The following APBB2 variants were observed in gnomAD, a reference collection of about 807,000 sequenced individuals.
APBB2 encodes the protein amyloid beta precursor protein binding family B member 2.
In APBB2, 38 loss-of-function variants were observed where a neutral mutation model predicts 82.5. The observed-to-expected ratio is 0.46, with a 90% CI of 0.36 to 0.60. The LOEUF (loss-of-function observed/expected upper bound fraction) is 0.60, where lower values mean the gene tolerates loss of function less well. Among genes scored for constraint, APBB2 ranks in the 20% least tolerant of loss-of-function variants. APBB2 has a pLI of 0.00. For synonymous variants in APBB2, 341 were observed against 368.2 expected (o/e 0.93, Z 0.85); for missense variants, 772 against 972.3 (o/e 0.79, Z 2.74).
intron 6 of APBB2, among the ~76,000 whole-genome samples, chr4:40,974,517 T>G (rs1315686986): frequency 1.3e-5 from 2 of 152,118 alleles, no homozygotes; most frequent in Non-Finnish European, 2.9e-5. Context: ...GGAGAAAGAT[T>G]TATAGTTTTA....
intron 10 of APBB2, among the ~76,000 whole-genome samples, chr4:40,902,914 G>A (rs1160980681): frequency 6.6e-6 from 1 of 152,210 alleles, no homozygotes; most frequent in Non-Finnish European, 1.5e-5. Context: ...GCTGACGCAG[G>A]AGGATCACTT....
Position 41,006,801 on chromosome 4 carries a change from A to G in APBB2, c.835+6782T>C, listed in dbSNP as rs145010002. Among the ~76,000 whole-genome samples, 153 of 152,298 alleles carry G rather than the reference A, an allele frequency of 1.0e-3. 3 individuals are homozygous for G. In the East Asian group the frequency reaches 0.024, roughly 24 times the overall value. ...TATTTGTAAGAAAAAAGGGGGAAAAATATTTACAGTTAAAATTAACCAAAA... is the reference window on the plus strand; with the variant it reads ...TATTTGTAAGAAAAAAGGGGGAAAAGTATTTACAGTTAAAATTAACCAAAA... On this transcript the variant is annotated intron_variant, in intron 6 of 17. Transcript: ENST00000508593.
At chr4:40,910,339 G>C (rs558591290) in intron 10 of APBB2, among the ~76,000 whole-genome samples, 1 of 152,162 alleles carries the variant, frequency 6.6e-6, no homozygotes, top group South Asian at 2.1e-4. Context: ...CTGGGCTCAA[G>C]TGATCCTCCA....
At chr4:41,011,420 C>G (rs1475757592) in intron 6 of APBB2, among the ~76,000 whole-genome samples, 3 of 150,166 alleles carry the variant, frequency 2.0e-5, no homozygotes, top group Non-Finnish European at 4.4e-5. Context: ...ACCTGGTGAT[C>G]CACTGCGCCT....
In APBB2 at chr4:40,812,423, GC is replaced by G. The variant is rs1744593434; in HGVS notation, c.*3668del. 6.6e-6 allele frequency: 1 copy of G among 152,224 alleles called. No homozygotes were observed. The allele number at this position is 152,224 out of a possible 1,614,324, so 9.4% of individuals were successfully genotyped here. On this transcript the variant is annotated 3_prime_UTR_variant, in exon 18 of 18. Coordinates refer to ENST00000508593, the MANE Select transcript of APBB2 (RefSeq NM_004307.2). The stretch of plus-strand genomic sequence containing the variant: ...TCAGGGGAAGTAAGCTGCTCTGGAG[GC>G]CAGGAACTACTGCTTGCGTTGACAC...
At chr4:40,962,441 C>T (rs6825705) in intron 6 of APBB2, among the ~76,000 whole-genome samples, 1,851 of 152,206 alleles carry the variant, frequency 0.012, 34 homozygotes, top group African/African-American at 0.042. Context: ...TGTGAATTCT[C>T]GGTTGCAAAA....
In APBB2 at chr4:41,180,192, T is replaced by A. The variant is rs369192735; in HGVS notation, c.-417+34213A>T. Among the ~76,000 whole-genome samples the A allele has an allele frequency of 1.8e-4, 27 of 152,296 alleles. No individual in the cohort carries two copies. In the South Asian group the frequency reaches 5.6e-3, roughly 32 times the overall value. On this transcript the variant is annotated intron_variant, in intron 1 of 17. Transcript: ENST00000508593. Reference sequence around the variant, plus strand: ...GTGTAAGGCAGCATGCCTGACCCCCTCCTCGCTATCTCTTACAAGGACACA... The same window carrying A: ...GTGTAAGGCAGCATGCCTGACCCCCACCTCGCTATCTCTTACAAGGACACA...
At chr4:40,851,736 A>ATTTT (rs772502891) in intron 12 of APBB2, among the ~76,000 whole-genome samples, 2 of 82,842 alleles carry the variant, frequency 2.4e-5, no homozygotes, top group Admixed American at 1.5e-4. Flanking sequence ...ATATATATAT[A>ATTTT]TATTTTTTTT....
chr4:41,119,153 TTTTTTTTTAA>T (rs1332433405), intron 2 of APBB2, among the ~76,000 whole-genome samples: 2 of 150,512 alleles, frequency 1.3e-5, no homozygotes, highest in Non-Finnish European at 3.0e-5. Flanking sequence ...TAATTGATTT[TTTTTTTTTAA>T]GAGCATGAAC....
chr4:41,052,543 T>C (rs1196877854), intron 4 of APBB2, among the ~76,000 whole-genome samples: 1 of 152,168 alleles, frequency 6.6e-6, no homozygotes, highest in Non-Finnish European at 1.5e-5. Context: ...GATACTGCCA[T>C]CGTGAATTCC....
chr4:41,180,554 T>G (rs560871590), intron 1 of APBB2, among the ~76,000 whole-genome samples: 3 of 152,088 alleles, frequency 2.0e-5, no homozygotes, highest in Non-Finnish European at 4.4e-5. Context: ...AGGGTGAGGC[T>G]GGAGGATCAC....
At chr4:41,085,695 CAG>C (rs1469077714) in intron 3 of APBB2, among the ~76,000 whole-genome samples, 2 of 151,984 alleles carry the variant, frequency 1.3e-5, no homozygotes, top group Non-Finnish European at 2.9e-5. Context: ...CAAAAAATGG[CAG>C]AGACATTCAA....
At chr4:41,028,666 T>C (rs1579369706) in intron 5 of APBB2, among the ~76,000 whole-genome samples, 1 of 152,254 alleles carries the variant, frequency 6.6e-6, no homozygotes, top group Non-Finnish European at 1.5e-5. Flanking sequence ...CTAAGCCACT[T>C]GGAGCTAGGT....
chr4:41,173,384 A>C (rs1443094106), intron 1 of APBB2, among the ~76,000 whole-genome samples: 1 of 152,216 alleles, frequency 6.6e-6, no homozygotes, highest in African/African-American at 2.4e-5. Flanking sequence ...CAAAGGATGA[A>C]GGAACCAAAT....
At chr4:40,863,691 G>A (rs929922515) in intron 12 of APBB2, among the ~76,000 whole-genome samples, 2 of 151,788 alleles carry the variant, frequency 1.3e-5, no homozygotes, top group Non-Finnish European at 2.9e-5. Context: ...TCAGGAGTTC[G>A]AGGCCAGCCT....
At chr4:40,902,761 C>T (rs1399599937) in intron 10 of APBB2, among the ~76,000 whole-genome samples, 1 of 152,148 alleles carries the variant, frequency 6.6e-6, no homozygotes. Context: ...AGCTCCTGAG[C>T]TCAAGTGATC....
intron 2 of APBB2, among the ~76,000 whole-genome samples, chr4:41,120,651 G>A (rs912164331): frequency 6.6e-5 from 10 of 152,142 alleles, no homozygotes; most frequent in African/African-American, 2.2e-4. Flanking sequence ...AATGTGCCAC[G>A]ATACTTAATT....
At chr4:41,029,078 A>G (rs1422118055) in intron 5 of APBB2, among the ~76,000 whole-genome samples, 1 of 152,236 alleles carries the variant, frequency 6.6e-6, no homozygotes, top group Non-Finnish European at 1.5e-5. Context: ...AATGGGCCAA[A>G]GGAAGACCAA....
chr4:41,044,849 A>AT lies in APBB2; in HGVS notation c.-50-11546dup, dbSNP rs527954850. Among the ~76,000 whole-genome samples the AT allele has an allele frequency of 8.5e-5, 13 of 152,160 alleles. No individual in the cohort carries two copies. The South Asian group carries it at 2.3e-3, about 27-fold the overall frequency. The stretch of plus-strand genomic sequence containing the variant: ...CTAAGGTGATATTCTAAAATACATG[A>AT]TTTTTTCTTTCAAAAAGTAGTTTCA... On this transcript the variant is annotated intron_variant, in intron 4 of 17. Coordinates refer to ENST00000508593, the MANE Select transcript of APBB2 (RefSeq NM_004307.2).
Sources: allele counts gnomAD v4.1 joint callset (sites outside exome capture counted in the v4.1 genomes callset), GRCh38; gene constraint gnomAD v4.1.1; transcripts MANE v1.5; gene names NCBI Gene and HGNC (gene_info 2026-07-23, HGNC 2026-07-21).